REDIC1: variants seen among roughly 807,000 people sequenced by gnomAD.
The protein encoded by REDIC1 is regulator of DNA class I crossover intermediates 1, also known as HEI10 Interacting Protein 1.
At chr12:39,706,896 G>T in the REDIC1 span, among the ~76,000 whole-genome samples, 1 of 151,894 alleles carries the variant, frequency 6.6e-6, no homozygotes, top group Non-Finnish European at 1.5e-5. Flanking sequence ...TTGAACTATG[G>T]AACTACCACA....
the REDIC1 span, among the ~76,000 whole-genome samples, chr12:39,876,550 G>A: frequency 1.3e-5 from 2 of 152,016 alleles, no homozygotes; most frequent in African/African-American, 4.8e-5. Context: ...AAAAACACCT[G>A]ATAGACTTAC....
chr12:39,699,793 C>A, the REDIC1 span, among the ~76,000 whole-genome samples: 1 of 152,198 alleles, frequency 6.6e-6, no homozygotes, highest in Non-Finnish European at 1.5e-5. Context: ...CCCCTGACCC[C>A]CGAGCAGCCT....
At chr12:39,646,691 T>C in the REDIC1 span, 39 of 570,944 alleles carry the variant, frequency 6.8e-5, no homozygotes, top group African/African-American at 5.7e-4. Context: ...TAATATAATT[T>C]TTATAAAACT....
chr12:39,732,622 A>G, the REDIC1 span, among the ~76,000 whole-genome samples: 1 of 152,222 alleles, frequency 6.6e-6, no homozygotes, highest in South Asian at 2.1e-4. Context: ...TTATATAAGA[A>G]AGGCAAGACA....
the REDIC1 span, among the ~76,000 whole-genome samples, chr12:39,680,521 T>C: frequency 6.6e-6 from 1 of 152,196 alleles, no homozygotes; most frequent in African/African-American, 2.4e-5. Flanking sequence ...ACTTTTACAC[T>C]GCTGGTGGGT....
At chr12:39,670,466 G>A in the REDIC1 span, among the ~76,000 whole-genome samples, 1 of 152,172 alleles carries the variant, frequency 6.6e-6, no homozygotes, top group Non-Finnish European at 1.5e-5. Flanking sequence ...ACTGGGATTA[G>A]AGGCATGAAC....
the REDIC1 span, among the ~76,000 whole-genome samples, chr12:39,712,344 T>G: frequency 0.045 from 2,299 of 51,648 alleles, 112 homozygotes; most frequent in African/African-American, 0.097. Context: ...ATACCTGTAT[T>G]TATATATACA....
the REDIC1 span, among the ~76,000 whole-genome samples, chr12:39,778,132 C>T: frequency 6.6e-6 from 1 of 152,138 alleles, no homozygotes; most frequent in African/African-American, 2.4e-5. Flanking sequence ...GTGAGCCACA[C>T]CCCCATCACA....
chr12:39,896,446 A>ATG, the REDIC1 span, among the ~76,000 whole-genome samples: 47 of 131,934 alleles, frequency 3.6e-4, 1 homozygote, highest in African/African-American at 1.3e-3. Flanking sequence ...ACATATATGT[A>ATG]TATGTGTGTA....
chr12:39,843,168 A>G, the REDIC1 span, among the ~76,000 whole-genome samples: 4 of 152,030 alleles, frequency 2.6e-5, no homozygotes, highest in Non-Finnish European at 4.4e-5. Context: ...ATAACTATAC[A>G]TATGATATTT....
the REDIC1 span, among the ~76,000 whole-genome samples, chr12:39,786,919 G>A: frequency 6.6e-6 from 1 of 152,198 alleles, no homozygotes; most frequent in Non-Finnish European, 1.5e-5. Flanking sequence ...TGGCATAGCA[G>A]TCATAATAGC....
the REDIC1 span, among the ~76,000 whole-genome samples, chr12:39,821,513 G>A: frequency 1.3e-5 from 2 of 152,104 alleles, no homozygotes; most frequent in Non-Finnish European, 2.9e-5. Flanking sequence ...AAAAGAGAGC[G>A]AATTGCAGTG....
At chr12:39,801,339 T>TAAAAAA in the REDIC1 span, among the ~76,000 whole-genome samples, 1 of 126,864 alleles carries the variant, frequency 7.9e-6, no homozygotes, top group African/African-American at 2.9e-5. Flanking sequence ...ATGAGGAAAT[T>TAAAAAA]AAAAAAAAAA....
At chr12:39,722,340 A>T in the REDIC1 span, among the ~76,000 whole-genome samples, 1 of 152,152 alleles carries the variant, frequency 6.6e-6, no homozygotes, top group African/African-American at 2.4e-5. Flanking sequence ...ATTTTCTTCC[A>T]GTTTAATGAT....
chr12:39,757,885 T>C, the REDIC1 span: 3 of 152,196 alleles, frequency 2.0e-5, no homozygotes, highest in East Asian at 3.8e-4. Flanking sequence ...AAGAGAAGGA[T>C]TGAGGCAATT....
At chr12:39,838,167 A>C in the REDIC1 span, among the ~76,000 whole-genome samples, 1 of 149,950 alleles carries the variant, frequency 6.7e-6, no homozygotes, top group Admixed American at 6.6e-5. Context: ...AGCCATAAAA[A>C]AGGATGAGTT....
At chr12:39,699,823 G>A in the REDIC1 span, among the ~76,000 whole-genome samples, 1 of 152,192 alleles carries the variant, frequency 6.6e-6, no homozygotes, top group African/African-American at 2.4e-5. Context: ...GCACCCCCAA[G>A]CAGTGGTAGA....
the REDIC1 span, chr12:39,646,466 GT>G: frequency 6.4e-7 from 1 of 1,553,738 alleles, no homozygotes; most frequent in Admixed American, 1.9e-5. Flanking sequence ...AACCAAGTAG[GT>G]TTTAGCTAGG....
the REDIC1 span, chr12:39,757,388 G>C: frequency 1.3e-5 from 2 of 151,734 alleles, no homozygotes; most frequent in South Asian, 2.1e-4. Flanking sequence ...ATGTTTCCAA[G>C]TTGATAGTGG....
Sources: allele counts gnomAD v4.1 joint callset (sites outside exome capture counted in the v4.1 genomes callset), GRCh38; gene constraint gnomAD v4.1.1; transcripts MANE v1.5; gene names NCBI Gene and HGNC (gene_info 2026-07-23, HGNC 2026-07-21).